AGBL1: variants seen among roughly 807,000 people sequenced by gnomAD.
AGBL1 encodes the protein cytosolic carboxypeptidase 4.
AGBL1 carries 130 observed loss-of-function variants against 118.9 expected under a neutral mutation model. The ratio of observed to expected loss-of-function variants is 1.09; its 90% CI spans 0.95 to 1.26. The LOEUF (loss-of-function observed/expected upper bound fraction) is 1.26, where lower values mean the gene tolerates loss of function less well. Ranked by LOEUF, AGBL1 falls within the 50% of genes most tolerant of loss-of-function variation. The pLI is 0.00. For missense variants in AGBL1, 1,584 were observed against 1,298.1 expected (o/e 1.22, Z -3.38); for synonymous variants, 555 against 478.9 (o/e 1.16, Z -2.08).
At chr15:86,766,472 A>T (rs1311968618) in intron 22 of AGBL1, among the ~76,000 whole-genome samples, 1 of 151,966 alleles carries the variant, frequency 6.6e-6, no homozygotes, top group Non-Finnish European at 1.5e-5. Flanking sequence ...CATTAAACTC[A>T]TTGATAATGA....
At chr15:86,153,494 C>T (rs1052684496) in intron 3 of AGBL1, among the ~76,000 whole-genome samples, 9 of 151,506 alleles carry the variant, frequency 5.9e-5, no homozygotes, top group Non-Finnish European at 1.0e-4. Flanking sequence ...GAACATCACA[C>T]ACCGGGGCCT....
At chr15:86,695,594 T>C (rs2142622586) in intron 22 of AGBL1, among the ~76,000 whole-genome samples, 1 of 152,124 alleles carries the variant, frequency 6.6e-6, no homozygotes, top group East Asian at 1.9e-4. Context: ...TCAATTCATT[T>C]AGTTCTGCTC....
chr15:86,434,884 G>T (rs1234919499), intron 18 of AGBL1, among the ~76,000 whole-genome samples: 1 of 152,202 alleles, frequency 6.6e-6, no homozygotes, highest in African/African-American at 2.4e-5. Flanking sequence ...TAGAAGAAAT[G>T]AACACAACAT....
At chr15:86,583,759 TCTCCAAACTG>T (rs1248649513) in intron 21 of AGBL1, among the ~76,000 whole-genome samples, 2 of 152,158 alleles carry the variant, frequency 1.3e-5, no homozygotes, top group Non-Finnish European at 2.9e-5. Flanking sequence ...CTTTGAGAAA[TCTCCAAACTG>T]CTTTCCCTAG....
intron 14 of AGBL1, 119 bp downstream of exon 14, chr15:86,270,186 G>A: frequency 7.3e-7 from 1 of 1,362,190 alleles, no homozygotes; most frequent in South Asian, 1.5e-5. Flanking sequence ...GCAGAGTTTT[G>A]GGTTGCCAGG....
chr15:86,396,147 G>GTATA (rs67895355), intron 17 of AGBL1, among the ~76,000 whole-genome samples: 1 of 144,558 alleles, frequency 6.9e-6, no homozygotes, highest in Non-Finnish European at 1.5e-5. Context: ...ATATATATGT[G>GTATA]TATATATATA....
intron 24 of AGBL1, among the ~76,000 whole-genome samples, chr15:87,009,503 G>A (rs2081536657): frequency 6.6e-6 from 1 of 152,226 alleles, no homozygotes; most frequent in Admixed American, 6.5e-5. Context: ...GAGAAATGTT[G>A]GATTGGAGCC....
chr15:86,368,593 C>G (rs191485454), intron 17 of AGBL1, among the ~76,000 whole-genome samples: 1,529 of 152,022 alleles, frequency 0.01, 25 homozygotes, highest in South Asian at 0.019. Context: ...AAATTTAATC[C>G]TAGACACAGT....
intron 22 of AGBL1, among the ~76,000 whole-genome samples, chr15:86,709,593 T>C (rs2086517859): frequency 6.6e-6 from 1 of 152,172 alleles, no homozygotes; most frequent in Non-Finnish European, 1.5e-5. Context: ...CATAATGATA[T>C]CGCTGCTATG....
At chr15:86,627,955 C>T (rs1055408653) in intron 21 of AGBL1, among the ~76,000 whole-genome samples, 7 of 152,126 alleles carry the variant, frequency 4.6e-5, no homozygotes, top group African/African-American at 1.7e-4. Context: ...TGAATATTTC[C>T]TGAATGGAGA....
intron 22 of AGBL1, among the ~76,000 whole-genome samples, chr15:86,855,263 G>T (rs1201846138): frequency 1.3e-5 from 2 of 152,214 alleles, no homozygotes; most frequent in African/African-American, 4.8e-5. Flanking sequence ...GAAACACAGG[G>T]GGAGGGGGTA....
intron 5 of AGBL1, among the ~76,000 whole-genome samples, chr15:86,184,429 CTTTCTTT>C (rs2077597646): frequency 1.4e-5 from 2 of 144,454 alleles, no homozygotes; most frequent in Non-Finnish European, 3.1e-5. Flanking sequence ...TTTCTTTTTT[CTTTCTTT>C]TTTTTTTTTT....
At chr15:86,339,560 A>G (rs1316283529) in intron 17 of AGBL1, among the ~76,000 whole-genome samples, 1 of 152,160 alleles carries the variant, frequency 6.6e-6, no homozygotes, top group East Asian at 1.9e-4. Context: ...TGTTCAGATT[A>G]GGTAATTTTT....
intron 18 of AGBL1, among the ~76,000 whole-genome samples, chr15:86,495,562 A>T (rs1401884308): frequency 6.6e-6 from 1 of 151,868 alleles, no homozygotes; most frequent in Non-Finnish European, 1.5e-5. Flanking sequence ...CTGTTTTTTG[A>T]TGCCAGAAGG....
chr15:86,307,851 A>G (rs1359378580), intron 17 of AGBL1, among the ~76,000 whole-genome samples: 1 of 152,220 alleles, frequency 6.6e-6, no homozygotes, highest in Non-Finnish European at 1.5e-5. Flanking sequence ...ATGGACATCT[A>G]TGTATACACA....
intron 22 of AGBL1, among the ~76,000 whole-genome samples, chr15:86,888,676 T>G (rs1333174770): frequency 6.6e-6 from 1 of 152,166 alleles, no homozygotes; most frequent in Non-Finnish European, 1.5e-5. Flanking sequence ...TTCCATCTGT[T>G]GCCTTACCCT....
At chr15:86,473,198 G>C (rs1331394273) in intron 18 of AGBL1, among the ~76,000 whole-genome samples, 3 of 152,080 alleles carry the variant, frequency 2.0e-5, no homozygotes, top group Non-Finnish European at 4.4e-5. Context: ...TTGGGTACTG[G>C]ATTTTGTTCT....
chr15:86,889,198 T>G (rs1297487336), intron 22 of AGBL1, among the ~76,000 whole-genome samples: 2 of 151,986 alleles, frequency 1.3e-5, no homozygotes, highest in Admixed American at 1.3e-4. Context: ...TTATCTCTGT[T>G]GTTTTGAAGC....
intron 24 of AGBL1, among the ~76,000 whole-genome samples, chr15:87,010,981 A>C (rs1422745031): frequency 6.6e-6 from 1 of 152,234 alleles, no homozygotes; most frequent in Non-Finnish European, 1.5e-5. Flanking sequence ...AATGTAGCAG[A>C]GTCTGGCTAA....
Sources: allele counts gnomAD v4.1 joint callset (sites outside exome capture counted in the v4.1 genomes callset), GRCh38; gene constraint gnomAD v4.1.1; transcripts MANE v1.5; gene names NCBI Gene and HGNC (gene_info 2026-07-23, HGNC 2026-07-21).